Variants in STAT1 observed in about 807,000 individuals in gnomAD.
STAT1 encodes signal transducer and activator of transcription 1, also known as signal transducer and activator of transcription 1-alpha/beta.
A neutral mutation model predicts 111.7 loss-of-function variants in STAT1; 24 were observed. The ratio of observed to expected loss-of-function variants is 0.21; its 90% CI spans 0.16 to 0.30. STAT1 has a LOEUF of 0.30. STAT1 is among the 10% of genes least tolerant of loss of function. The probability of loss-of-function intolerance (pLI) is 1.00; values close to 1 mark genes in which losing one functional copy is unlikely to be tolerated. For synonymous variants in STAT1, 332 were observed against 326.5 expected, an observed-to-expected ratio of 1.02 and a Z score of -0.18; for missense variants, 351 against 911.9, an observed-to-expected ratio of 0.38 and a Z score of 7.92.
intron 3 of STAT1, 89 bp from the exon 4 acceptor site, chr2:191,009,196 T>G: frequency 7.0e-7 from 1 of 1,430,144 alleles, no homozygotes; most frequent in Non-Finnish European, 9.6e-7. Context: ...TTATTGAAAT[T>G]ATTAAAAATA....
Position 190,993,697 on chromosome 2 carries a change from A to C in STAT1, c.944+1364T>G. 7.6e-6 allele frequency: 3 copies of C among 394,344 alleles called. No homozygotes were observed. The highest frequency in any genetic ancestry group is 2.3e-5 in the South Asian group (1 of 44,264). The allele number at this position is 394,344 out of a possible 1,614,324, so 24.4% of individuals were successfully genotyped here. ...TCTGGGAGAGTAAATGTCTTCCCCG[A>C]CTCTGCCCCCTGGAACGCAATCAGC... On this transcript the variant is annotated intron_variant, in intron 10 of 24. Transcript: ENST00000361099. The surrounding 1 kb of genome is among the most constrained non-coding windows in gnomAD (Gnocchi z 4.1).
Position 190,996,736 on chromosome 2 carries a change from C to A in STAT1, c.785+1120G>T, listed in dbSNP as rs1693887056. 6.6e-6 allele frequency among the ~76,000 whole-genome samples: 1 copy of A among 152,112 alleles called. No homozygotes were observed. Among genetic ancestry groups the A allele is most frequent in the Admixed American group, 6.5e-5 (1 of 15,272 alleles). On this transcript the variant is annotated intron_variant, in intron 9 of 24. Coordinates refer to ENST00000361099, the MANE Select transcript of STAT1 (RefSeq NM_007315.4). The surrounding 1 kb of genome is among the most constrained non-coding windows in gnomAD (Gnocchi z 4.5). ...TAATTGTGATTTTTTTAAAAACTGG[C>A]AATATAGAAAATAACCTCGTGAGAT... is the stretch of plus-strand genomic sequence containing the variant.
rs1372352352 is a variant in STAT1 at position 191,000,750 on chromosome 2, G to C, written c.462+324C>G. Among the ~76,000 whole-genome samples the C allele has an allele frequency of 1.3e-5, 2 of 152,196 alleles. No homozygotes were observed. The highest frequency in any genetic ancestry group is 4.8e-5 in the African/African-American group (2 of 41,434). On this transcript the variant is annotated intron_variant, in intron 6 of 24. Transcript: ENST00000361099. This position sits in a 1 kb window ranked among gnomAD's most constrained non-coding sequence, Gnocchi z 4.8. Reference sequence around the variant, plus strand: ...TGTTTATCCTGGGGCACTGTGATTTGAGAGGTGTGGACATAAAGGCCCATT... The same window carrying C: ...TGTTTATCCTGGGGCACTGTGATTTCAGAGGTGTGGACATAAAGGCCCATT...
At position 190,998,086 on chromosome 2, in the gene STAT1, C is replaced by T. The variant is rs1693985744; in HGVS notation, c.634-79G>A. On this transcript the variant is annotated intron_variant, in intron 8 of 24. Transcript: ENST00000361099. This position sits in a 1 kb window ranked among gnomAD's most constrained non-coding sequence, Gnocchi z 4.1. ...TTTAAAATATTTTTTAAAAGAAAAG[C>T]AAATATCATTTCATTCTCAACTGGG... The T allele has an allele frequency of 6.3e-7, 1 of 1,577,054 alleles. No homozygotes were observed. The highest frequency in any genetic ancestry group is 8.7e-7 in the Non-Finnish European group (1 of 1,154,956).
intron 10 of STAT1, 75 bp downstream of exon 10, chr2:190,994,986 C>A: frequency 2.5e-6 from 3 of 1,188,178 alleles, no homozygotes; most frequent in Admixed American, 1.8e-5. Flanking sequence ...CCTTGTAAAT[C>A]ATCTGAATTA....
In STAT1 at chr2:190,979,792, C is replaced by A; in HGVS notation, c.1707G>T (p.Leu569=). ...CTTACCCATCATTCCAGAGAGGGAG[C>A]AGGTGTTTTTTAATGAGTTCTAGGA... ...ESILELIKKH[L]LPLWNDGCIM... The change falls in exon 20 of 25, where the codon CTG becomes CTT. Residue 569 remains leucine (L), a synonymous_variant. Transcript: ENST00000361099. This position sits in a 1 kb window ranked among gnomAD's most constrained non-coding sequence, Gnocchi z 5.8. 6.2e-7 allele frequency: 1 copy of A among 1,613,518 alleles called. No individual in the cohort carries two copies. Among genetic ancestry groups the A allele is most frequent in the Non-Finnish European group, 8.5e-7 (1 of 1,179,442 alleles).
chr2:190,982,609 T>A lies in STAT1; in HGVS notation c.1447-91A>T. On this transcript the variant is annotated intron_variant, in intron 17 of 24. Transcript: ENST00000361099. This position sits in a 1 kb window ranked among gnomAD's most constrained non-coding sequence, Gnocchi z 7.3. ...AACATATGTCCATCCCAAAGTTCAA[T>A]TCTAGTTTATATGACACACAGGTGC... 1 of 1,433,230 alleles carries A rather than the reference T, an allele frequency of 7.0e-7. No homozygotes were observed. Among genetic ancestry groups the A allele is most frequent in the Non-Finnish European group, 9.8e-7 (1 of 1,017,638 alleles). The allele number at this position is 1,433,230 out of a possible 1,614,324, so 88.8% of individuals were successfully genotyped here.
chr2:190,978,295 C>T lies in STAT1; in HGVS notation c.1873+561G>A, dbSNP rs1452210362. Reference sequence around the variant, plus strand: ...ACCCTCAGAAACCTGCTTCATAACACCAAGGTTTCTGGAGTCTTTTAGCCA... The same window carrying T: ...ACCCTCAGAAACCTGCTTCATAACATCAAGGTTTCTGGAGTCTTTTAGCCA... On this transcript the variant is annotated intron_variant, in intron 21 of 24. Coordinates refer to ENST00000361099, the MANE Select transcript of STAT1 (RefSeq NM_007315.4). The surrounding 1 kb of genome is among the most constrained non-coding windows in gnomAD (Gnocchi z 6.1). 6.6e-6 allele frequency among the ~76,000 whole-genome samples: 1 copy of T among 152,158 alleles called. No individual in the cohort carries two copies. The highest frequency in any genetic ancestry group is 1.5e-5 in the Non-Finnish European group (1 of 68,026).
At position 190,990,558 on chromosome 2, in the gene STAT1, C is replaced by A. The variant is rs1007625348; in HGVS notation, c.1037+670G>T. Among the ~76,000 whole-genome samples, 3 of 152,120 alleles carry A rather than the reference C, an allele frequency of 2.0e-5. No homozygotes were observed. Among genetic ancestry groups the A allele is most frequent in the African/African-American group, 7.2e-5 (3 of 41,424 alleles). On this transcript the variant is annotated intron_variant, in intron 11 of 24. Transcript: ENST00000361099. The surrounding 1 kb of genome is among the most constrained non-coding windows in gnomAD (Gnocchi z 5.1). ...AAAGACTACAAAACAATGTATGTAG[C>A]CTACTCCGAGTTTTTAAAAAAGAAA...
Position 191,007,099 on chromosome 2 carries a change from CA to C in STAT1, c.372+463del, listed in dbSNP as rs1304593945. Among the ~76,000 whole-genome samples, 1 of 152,174 alleles carries C rather than the reference CA, an allele frequency of 6.6e-6. No individual in the cohort carries two copies. Among genetic ancestry groups the C allele is most frequent in the East Asian group, 1.9e-4 (1 of 5,194 alleles). On this transcript the variant is annotated intron_variant, in intron 5 of 24. Transcript: ENST00000361099. The surrounding 1 kb of genome is among the most constrained non-coding windows in gnomAD (Gnocchi z 4.2). ...CATAAGGATCCTTCTATATTGGTATCACATCCAAAGCATAACCTGAATCTGT... is the reference window on the plus strand; with the variant it reads ...CATAAGGATCCTTCTATATTGGTATCCATCCAAAGCATAACCTGAATCTGT...
Position 190,974,898 on chromosome 2 carries a change from G to A in STAT1, c.2170C>T (p.Leu724Phe). Residue 724 changes from leucine (L) to phenylalanine (F), a missense_variant, in exon 24 of 25, where the codon CTC becomes TTC. This residue lies in a region of STAT1 where 181 missense variants were observed against 426.1 expected (regional missense o/e 0.42). Coordinates refer to ENST00000361099, the MANE Select transcript of STAT1 (RefSeq NM_007315.4). This position sits in a 1 kb window ranked among gnomAD's most constrained non-coding sequence, Gnocchi z 4.8. Reference sequence around the variant, plus strand: ...TCAAACTCCTCAGGAGACATGGGGAGCAGGTTGTCTGTGGTCTGAAGTCTA... The same window carrying A: ...TCAAACTCCTCAGGAGACATGGGGAACAGGTTGTCTGTGGTCTGAAGTCTA... ...PSRLQTTDNL[L>F]PMSPEEFDEV... The A allele has an allele frequency of 6.2e-7, 1 of 1,614,228 alleles. No homozygotes were observed. The highest frequency in any genetic ancestry group is 8.5e-7 in the Non-Finnish European group (1 of 1,180,016).
At position 190,982,467 on chromosome 2, in the gene STAT1, C is replaced by T; in HGVS notation, c.1498G>A (p.Glu500Lys). 6.2e-7 allele frequency: 1 copy of T among 1,614,216 alleles called. No individual in the cohort carries two copies. Among genetic ancestry groups the T allele is most frequent in the Non-Finnish European group, 8.5e-7 (1 of 1,180,024 alleles). ...GAAGAAAACTGCCAACTCAGCACTT[C>T]TGAAAGCTGAGCCCATCGTGCACAT... ...PPCARWAQLS[E>K]VLSWQFSSVT... The change falls in exon 18 of 25, where the codon GAA (glutamate) becomes AAA (lysine). Residue 500 changes from glutamate (E) to lysine (K), a missense_variant. Around this residue, in one of 7 missense-constraint regions of STAT1, gnomAD observed 181 missense variants for 426.1 expected, o/e 0.42. Coordinates refer to ENST00000361099, the MANE Select transcript of STAT1 (RefSeq NM_007315.4). This position sits in a 1 kb window ranked among gnomAD's most constrained non-coding sequence, Gnocchi z 7.3.
chr2:191,000,538 G>A lies in STAT1; in HGVS notation c.462+536C>T, dbSNP rs1694191076. On this transcript the variant is annotated intron_variant, in intron 6 of 24. Coordinates refer to ENST00000361099, the MANE Select transcript of STAT1 (RefSeq NM_007315.4). This position sits in a 1 kb window ranked among gnomAD's most constrained non-coding sequence, Gnocchi z 4.8. ...CCCACACCAGCCCTAACAGTGGAGA[G>A]GAGTAAATGCGCACCATCGAGGACG... Among the ~76,000 whole-genome samples the A allele has an allele frequency of 6.6e-6, 1 of 152,210 alleles. No homozygotes were observed. Among genetic ancestry groups the A allele is most frequent in the South Asian group, 2.1e-4 (1 of 4,820 alleles).
chr2:191,001,436 G>A (rs1416714312), intron 5 of STAT1, among the ~76,000 whole-genome samples: 4 of 152,130 alleles, frequency 2.6e-5, no homozygotes, highest in Admixed American at 6.5e-5. Context: ...ATGGTACCAC[G>A]CTGGAATTTA....
intron 10 of STAT1, among the ~76,000 whole-genome samples, chr2:190,994,838 C>T (rs1693693164): frequency 6.7e-6 from 1 of 148,466 alleles, no homozygotes; most frequent in African/African-American, 2.5e-5. Context: ...ATTGCTTGAA[C>T]TTGGGAGGTG....
intron 10 of STAT1, chr2:190,992,493 T>C (rs1183541561): frequency 1.1e-5 from 3 of 276,148 alleles, no homozygotes; most frequent in East Asian, 1.2e-4. Flanking sequence ...AAAGTCAGTA[T>C]TGACCATTTA....
At position 190,970,563 on chromosome 2, in the gene STAT1, G is replaced by T; in HGVS notation, c.*140C>A. On this transcript the variant is annotated 3_prime_UTR_variant, in exon 25 of 25. Transcript: ENST00000361099. The surrounding 1 kb of genome is among the most constrained non-coding windows in gnomAD (Gnocchi z 5.4). The stretch of plus-strand genomic sequence containing the variant: ...TTCTGAGTTAGAGAAAAATTCACTT[G>T]CTATCAACAGGTTGCAGCGAATTTG... 1 of 882,692 alleles carries T rather than the reference G, an allele frequency of 1.1e-6. No individual in the cohort carries two copies. The highest frequency in any genetic ancestry group is 1.9e-6 in the Non-Finnish European group (1 of 535,684). The allele number at this position is 882,692 out of a possible 1,614,324, so 54.7% of individuals were successfully genotyped here. A position where few individuals can be genotyped will look rare whatever the true frequency, so the allele number is the denominator to read the frequency against.
rs1694785752 is a variant in STAT1, at chr2:191,007,356, C to T, written c.372+207G>A. Among the ~76,000 whole-genome samples the T allele has an allele frequency of 6.6e-6, 1 of 152,196 alleles. No homozygotes were observed. The highest frequency in any genetic ancestry group is 2.1e-4 in the South Asian group (1 of 4,834). ...CAGAAGTATCTTGTTTATATGTTCT[C>T]TCTCCTCGTTAGAACTTAATTCCAT... is the stretch of plus-strand genomic sequence containing the variant. On this transcript the variant is annotated intron_variant, in intron 5 of 24. Coordinates refer to ENST00000361099, the MANE Select transcript of STAT1 (RefSeq NM_007315.4). The surrounding 1 kb of genome is among the most constrained non-coding windows in gnomAD (Gnocchi z 4.2).
At chr2:190,985,898 T>C (rs1194404101) in intron 14 of STAT1, among the ~76,000 whole-genome samples, 1 of 152,208 alleles carries the variant, frequency 6.6e-6, no homozygotes, top group Non-Finnish European at 1.5e-5. Flanking sequence ...CACAACCCGC[T>C]CCTCTCCTGT....
Sources: allele counts gnomAD v4.1 joint callset (sites outside exome capture counted in the v4.1 genomes callset), GRCh38; gene constraint gnomAD v4.1.1; regional missense constraint gnomAD v4.1.1; non-coding constraint Gnocchi (gnomAD v3.1); transcripts MANE v1.5; gene names NCBI Gene and HGNC (gene_info 2026-07-23, HGNC 2026-07-21).